The following PROSER2 variants were observed in gnomAD, a reference collection of about 807,000 sequenced individuals.
PROSER2 encodes the protein proline and serine rich 2.
PROSER2 carries 18 observed loss-of-function variants against 14.6 expected under a neutral mutation model. That is an observed-to-expected ratio of 1.23 (90% confidence interval 0.85 to 1.83). The LOEUF (loss-of-function observed/expected upper bound fraction) is 1.83, where lower values mean the gene tolerates loss of function less well. Ranked by LOEUF, PROSER2 falls within the 40% of genes most tolerant of loss-of-function variation. The pLI is 0.00. For synonymous variants in PROSER2, 367 were observed against 286.4 expected (o/e 1.28, Z -2.84); for missense variants, 823 against 629.8 (o/e 1.31, Z -3.28).
At chr10:11,845,971 A>G (rs2131063836) in intron 1 of PROSER2, among the ~76,000 whole-genome samples, 1 of 152,234 alleles carries the variant, frequency 6.6e-6, no homozygotes, top group South Asian at 2.1e-4. Context: ...TACTTCATTC[A>G]TTCATTCATT....
At chr10:11,855,248 C>T (rs910136047) in intron 2 of PROSER2, among the ~76,000 whole-genome samples, 4 of 149,274 alleles carry the variant, frequency 2.7e-5, no homozygotes, top group East Asian at 2.0e-4. Context: ...CCAAGGCAGG[C>T]GGATCACGAG....
In PROSER2 at chr10:11,870,258, G is replaced by C. The variant is rs1834454968; in HGVS notation, c.1160G>C (p.Arg387Pro). Residue 387 changes from arginine to proline, a missense_variant, in exon 4 of 4, where the codon CGG becomes CCG. Coordinates refer to ENST00000277570, the MANE Select transcript of PROSER2 (RefSeq NM_153256.4). ...GCCCGTCAGAGCTTCCCCGGGCCCCGGCAGCCCAACGGCGCCCAGGACTGG... is the reference window on the plus strand; with the variant it reads ...GCCCGTCAGAGCTTCCCCGGGCCCCCGCAGCCCAACGGCGCCCAGGACTGG... Reference protein sequence around the residue: ...TRARQSFPGPRQPNGAQDWRR... With the variant: ...TRARQSFPGPPQPNGAQDWRR... 1 of 1,487,400 alleles carries C rather than the reference G, an allele frequency of 6.7e-7. No homozygotes were observed. The highest frequency in any genetic ancestry group is 8.9e-7 in the Non-Finnish European group (1 of 1,126,546). 92.1% of individuals were successfully genotyped at this position (1,487,400 alleles called of 1,614,324 possible).
intron 1 of PROSER2, among the ~76,000 whole-genome samples, chr10:11,845,878 G>T (rs553460261): frequency 2.0e-5 from 3 of 152,158 alleles, no homozygotes; most frequent in East Asian, 1.9e-4. Flanking sequence ...TGGTTCTGGT[G>T]GGGGGACCCT....
intron 2 of PROSER2, 59 bp downstream of exon 2, chr10:11,852,274 A>G (rs995283943): frequency 1.6e-5 from 24 of 1,524,588 alleles, no homozygotes; most frequent in African/African-American, 1.4e-4. Context: ...TTTTGCCTCA[A>G]TCCCTCTCCC....
chr10:11,845,145 C>T (rs568920215), intron 1 of PROSER2, among the ~76,000 whole-genome samples: 1 of 152,060 alleles, frequency 6.6e-6, no homozygotes, highest in East Asian at 1.9e-4. Context: ...ATACATATGT[C>T]CCTGTGTGTG....
At chr10:11,849,119 G>A (rs1043114117) in intron 1 of PROSER2, among the ~76,000 whole-genome samples, 5 of 152,114 alleles carry the variant, frequency 3.3e-5, no homozygotes, top group African/African-American at 7.2e-5. Context: ...CCCAGGAGGC[G>A]GAGGTTGCGG....
At chr10:11,867,264 CAAAAA>C (rs10560433) in intron 3 of PROSER2, among the ~76,000 whole-genome samples, 7 of 51,810 alleles carry the variant, frequency 1.4e-4, no homozygotes, top group Non-Finnish European at 2.6e-4. Flanking sequence ...GACTCCGTCT[CAAAAA>C]AAAAAAAAAA....
chr10:11,833,494 C>A, intron 1 of PROSER2, among the ~76,000 whole-genome samples: 1 of 151,834 alleles, frequency 6.6e-6, no homozygotes. Context: ...AGTTCGAGAC[C>A]AGCCTGGCCA....
At chr10:11,827,719 C>T (rs906047117) in intron 1 of PROSER2, among the ~76,000 whole-genome samples, 1 of 150,808 alleles carries the variant, frequency 6.6e-6, no homozygotes, top group Admixed American at 6.6e-5. Context: ...CACTCTGTCA[C>T]CTAAACTGGA....
chr10:11,852,024 G>C lies in PROSER2; in HGVS notation c.-54G>C, dbSNP rs978104305. 5 of 1,530,316 alleles carry C rather than the reference G, an allele frequency of 3.3e-6. No homozygotes were observed. Among genetic ancestry groups the C allele is most frequent in the Non-Finnish European group, 4.4e-6 (5 of 1,138,028 alleles). The allele number at this position is 1,530,316 out of a possible 1,614,324, so 94.8% of individuals were successfully genotyped here. On this transcript the variant is annotated 5_prime_UTR_variant, in exon 2 of 4. Transcript: ENST00000277570. ...GTGAGCTGTTGCCGCAGAATGGGCT[G>C]CTGGCTCCTGCCCTGCTTCCTGTGA...
chr10:11,853,039 T>A (rs1400419713), intron 2 of PROSER2, among the ~76,000 whole-genome samples: 4 of 152,058 alleles, frequency 2.6e-5, no homozygotes, highest in Admixed American at 6.6e-5. Flanking sequence ...ACCATGACAC[T>A]CACTCCTAGA....
chr10:11,828,857 C>T (rs1055021138), intron 1 of PROSER2, among the ~76,000 whole-genome samples: 1 of 152,038 alleles, frequency 6.6e-6, no homozygotes, highest in Non-Finnish European at 1.5e-5. Flanking sequence ...ATTCAATGTC[C>T]GATGTGAATT....
chr10:11,828,098 GC>G (rs1431912093), intron 1 of PROSER2, among the ~76,000 whole-genome samples: 1 of 152,028 alleles, frequency 6.6e-6, no homozygotes, highest in Non-Finnish European at 1.5e-5. Context: ...TCAGGTTTCA[GC>G]CCCCAATAGC....
chr10:11,864,621 C>T (rs1166591633), intron 2 of PROSER2, among the ~76,000 whole-genome samples: 1 of 144,606 alleles, frequency 6.9e-6, no homozygotes, highest in Non-Finnish European at 1.5e-5. Flanking sequence ...CAGAGTCTTG[C>T]TCTGTCACCC....
chr10:11,846,176 G>A (rs979566225), intron 1 of PROSER2, among the ~76,000 whole-genome samples: 5 of 152,012 alleles, frequency 3.3e-5, no homozygotes, highest in Non-Finnish European at 7.4e-5. Context: ...TAGTAGAGAC[G>A]GGTTTTTACC....
At position 11,866,436 on chromosome 10, in the gene PROSER2, G is replaced by A; in HGVS notation, c.139-95G>A. 1.3e-6 allele frequency: 2 copies of A among 1,483,550 alleles called. No homozygotes were observed. The highest frequency in any genetic ancestry group is 1.8e-6 in the Non-Finnish European group (2 of 1,084,052). 91.9% of individuals were successfully genotyped at this position (1,483,550 alleles called of 1,614,324 possible). ...TCGGGACACAGTGAGTTCCGCCCTG[G>A]GCTGTGGACCAATCCCAACTTTGCT... On this transcript the variant is annotated intron_variant, in intron 2 of 3. Transcript: ENST00000277570. The surrounding 1 kb of genome is among the most constrained non-coding windows in gnomAD (Gnocchi z 6.0).
At chr10:11,843,712 C>T (rs368171144) in intron 1 of PROSER2, among the ~76,000 whole-genome samples, 2 of 150,330 alleles carry the variant, frequency 1.3e-5, no homozygotes, top group African/African-American at 2.4e-5. Flanking sequence ...ATTAGCCCAC[C>T]GTGGTGGTGG....
intron 1 of PROSER2, 72 bp from the exon 2 acceptor site, chr10:11,851,925 T>G: frequency 1.4e-6 from 1 of 692,992 alleles, no homozygotes; most frequent in Non-Finnish European, 2.1e-6. Context: ...ATCTAAGCCA[T>G]GTTTTTGAGG....
chr10:11,843,230 G>A (rs1477639156), intron 1 of PROSER2, among the ~76,000 whole-genome samples: 29 of 146,708 alleles, frequency 2.0e-4, no homozygotes, highest in Admixed American at 8.1e-4. Flanking sequence ...GCGAGCCACC[G>A]CACCCAGCCT....
Sources: gnomAD v4.1 joint callset for allele counts (sites outside exome capture counted in the v4.1 genomes callset) on GRCh38, gnomAD v4.1.1 for gene constraint, Gnocchi (gnomAD v3.1) non-coding constraint, MANE v1.5 for transcripts, NCBI Gene and HGNC (gene_info 2026-07-23, HGNC 2026-07-21) for gene names.